LNP1: variants seen among roughly 807,000 people sequenced by gnomAD.
LNP1 encodes the protein leukemia NUP98 fusion partner 1.
Under a neutral mutation model 14.5 loss-of-function variants are expected in LNP1, and 12 were observed. The ratio of observed to expected loss-of-function variants is 0.83; its 90% CI spans 0.53 to 1.34. The LOEUF (loss-of-function observed/expected upper bound fraction) is 1.34. Ranked by LOEUF, LNP1 falls within the 40% of genes most tolerant of loss-of-function variation. LNP1 has a pLI of 0.00. For missense variants in LNP1, 198 were observed against 210.9 expected (o/e 0.94, Z 0.38); for synonymous variants, 75 against 71.4 (o/e 1.05, Z -0.26).
chr3:100,429,769 G>C lies in LNP1; in HGVS notation c.40G>C (p.Ala14Pro), dbSNP rs1188581282. The change falls in exon 2 of 4, where the codon GCC becomes CCC. Residue 14 changes from alanine to proline, a missense_variant. Physicochemically the swap from Ala to Pro is conservative, Grantham distance 27. Transcript: ENST00000383693. ...TGATGATGATGATGATGTGTCTTTT[G>C]CCAAATGGATGAGCAGCTTCTGGGG... ...KDDDDDDVSF[A>P]KWMSSFWGHS... is the part of the protein sequence containing the mutation. 1 of 1,613,910 alleles carries C rather than the reference G, an allele frequency of 6.2e-7. No individual in the cohort carries two copies. The highest frequency in any genetic ancestry group is 8.5e-7 in the Non-Finnish European group (1 of 1,179,928).
intron 3 of LNP1, among the ~76,000 whole-genome samples, chr3:100,452,779 A>G (rs892071962): frequency 2.0e-5 from 3 of 152,216 alleles, no homozygotes; most frequent in Non-Finnish European, 4.4e-5. Context: ...AAAGGAAGAG[A>G]CAGACATGAA....
At chr3:100,422,635 A>G (rs1707155088) in intron 1 of LNP1, among the ~76,000 whole-genome samples, 1 of 152,076 alleles carries the variant, frequency 6.6e-6, no homozygotes, top group African/African-American at 2.4e-5. Context: ...GTAAGAGATG[A>G]TTTATTGGCT....
At chr3:100,412,358 C>T (rs1707039141) in intron 1 of LNP1, among the ~76,000 whole-genome samples, 1 of 152,198 alleles carries the variant, frequency 6.6e-6, no homozygotes, top group African/African-American at 2.4e-5. Context: ...TTAGGCACCA[C>T]CTCCCAACTG....
chr3:100,454,989 G>C (rs1707496733), intron 3 of LNP1, among the ~76,000 whole-genome samples: 1 of 152,088 alleles, frequency 6.6e-6, no homozygotes, highest in African/African-American at 2.4e-5. Flanking sequence ...AGATACGGTG[G>C]CCACATTTAT....
intron 1 of LNP1, among the ~76,000 whole-genome samples, chr3:100,417,247 A>G (rs1397588951): frequency 6.6e-6 from 1 of 152,048 alleles, no homozygotes; most frequent in Non-Finnish European, 1.5e-5. Context: ...AGGTTCCCTC[A>G]AGGAATCTTT....
At chr3:100,455,734 G>A in intron 3 of LNP1, 43 bp from the exon 4 acceptor site, 1 of 1,599,422 alleles carries the variant, frequency 6.3e-7, no homozygotes, top group Non-Finnish European at 8.6e-7. Context: ...AGTGTTGTCA[G>A]CTGCTTGTGC....
chr3:100,455,748 T>G, intron 3 of LNP1, 29 bp from the exon 4 acceptor site: 1 of 1,611,708 alleles, frequency 6.2e-7, no homozygotes, highest in Non-Finnish European at 8.5e-7. Context: ...CTTGTGCATT[T>G]TTACCTGTTT....
At chr3:100,452,556 A>G (rs1425258897) in intron 3 of LNP1, among the ~76,000 whole-genome samples, 9 of 151,732 alleles carry the variant, frequency 5.9e-5, no homozygotes. Context: ...AATAATTGTA[A>G]CTCATTCCCC....
intron 2 of LNP1, among the ~76,000 whole-genome samples, chr3:100,436,331 C>G (rs146268427): frequency 6.6e-6 from 1 of 152,254 alleles, no homozygotes; most frequent in East Asian, 1.9e-4. Flanking sequence ...CAACGAGGTG[C>G]ATCTGACCTC....
rs115548111 is a variant in LNP1 at position 100,408,675 on chromosome 3, A to C, written c.-34+6236A>C. Among the ~76,000 whole-genome samples the C allele has an allele frequency of 3.4e-3, 512 of 152,258 alleles. 4 individuals carry two copies. Among genetic ancestry groups the C allele is most frequent in the Middle Eastern group, 0.014 (4 of 294 alleles). ...AGTCTGCAGTTACTGGCCTGAAGTCATGGGTCATGGGGGGGTCTACCCAGT... is the reference window on the plus strand; with the variant it reads ...AGTCTGCAGTTACTGGCCTGAAGTCCTGGGTCATGGGGGGGTCTACCCAGT... On this transcript the variant is annotated intron_variant, in intron 1 of 3. Coordinates refer to ENST00000383693, the MANE Select transcript of LNP1 (RefSeq NM_001085451.2).
At chr3:100,410,030 G>C (rs1431883799) in intron 1 of LNP1, among the ~76,000 whole-genome samples, 5 of 151,104 alleles carry the variant, frequency 3.3e-5, no homozygotes, top group Non-Finnish European at 5.9e-5. Flanking sequence ...AATTAGTCTT[G>C]TTTCTCTGAA....
At chr3:100,403,216 C>A (rs565241514) in intron 1 of LNP1, among the ~76,000 whole-genome samples, 1 of 152,088 alleles carries the variant, frequency 6.6e-6, no homozygotes, top group Non-Finnish European at 1.5e-5. Flanking sequence ...ATTTAAAGTT[C>A]TTTTGATGTT....
rs1483926434 is a variant in LNP1, at chr3:100,401,777, G to A, written c.-696G>A. On this transcript the variant is annotated 5_prime_UTR_variant, in exon 1 of 4. Coordinates refer to ENST00000383693, the MANE Select transcript of LNP1 (RefSeq NM_001085451.2). ...GATAGCGATGGCAGAAGACTAGGTG[G>A]AAATGGCACATCTAGGTTGGCTGCA... 6.6e-6 allele frequency: 1 copy of A among 152,254 alleles called. No homozygotes were observed. The highest frequency in any genetic ancestry group is 1.9e-4 in the East Asian group (1 of 5,206). The allele number at this position is 152,254 out of a possible 1,614,324, so 9.4% of individuals were successfully genotyped here. A position where few individuals can be genotyped will look rare whatever the true frequency, so the allele number is the denominator to read the frequency against.
rs1425494891 is a variant in LNP1 at position 100,451,778 on chromosome 3, G to A, written c.216G>A (p.Glu72=). 11 of 1,613,920 alleles carry A rather than the reference G, an allele frequency of 6.8e-6. No individual in the cohort carries two copies. The highest frequency in any genetic ancestry group is 1.7e-5 in the Admixed American group (1 of 60,006). ...SDCHPRRHSH[E]DQEFRCRSHV... is the part of the protein sequence containing the mutation. ...GCCATCCTAGAAGGCATTCTCATGAGGACCAAGAATTTCGATGCCGTAGCC... is the reference window on the plus strand; with the variant it reads ...GCCATCCTAGAAGGCATTCTCATGAAGACCAAGAATTTCGATGCCGTAGCC... The change falls in exon 3 of 4, where the codon GAG becomes GAA. Residue 72 remains glutamate (E), a synonymous_variant. Coordinates refer to ENST00000383693, the MANE Select transcript of LNP1 (RefSeq NM_001085451.2).
intron 1 of LNP1, 23 bp from the exon 2 acceptor site, chr3:100,429,674 A>G (rs1049464761): frequency 8.0e-6 from 12 of 1,505,608 alleles, no homozygotes; most frequent in South Asian, 1.2e-5. Flanking sequence ...CTGTTGGGTG[A>G]TATTTCCCTC....
chr3:100,436,036 C>G (rs748026237), intron 2 of LNP1, among the ~76,000 whole-genome samples: 1 of 152,172 alleles, frequency 6.6e-6, no homozygotes, highest in Non-Finnish European at 1.5e-5. Flanking sequence ...AGGGAATCAG[C>G]TAGTCAGCAT....
At chr3:100,417,021 G>A (rs1046008132) in intron 1 of LNP1, among the ~76,000 whole-genome samples, 1 of 151,970 alleles carries the variant, frequency 6.6e-6, no homozygotes, top group African/African-American at 2.4e-5. Context: ...TTCTTGCCTT[G>A]TTTATCTTTT....
intron 2 of LNP1, among the ~76,000 whole-genome samples, chr3:100,440,503 C>T (rs572682821): frequency 1.3e-5 from 2 of 152,288 alleles, no homozygotes; most frequent in East Asian, 1.9e-4. Context: ...TCTCCCTGTA[C>T]TCCTGCCAGT....
At chr3:100,441,040 G>T (rs1158419517) in intron 2 of LNP1, among the ~76,000 whole-genome samples, 1 of 152,182 alleles carries the variant, frequency 6.6e-6, no homozygotes, top group African/African-American at 2.4e-5. Flanking sequence ...TCGAGAAAGA[G>T]ATCAAAGACC....
Sources: gnomAD v4.1 joint callset for allele counts (sites outside exome capture counted in the v4.1 genomes callset) on GRCh38, gnomAD v4.1.1 for gene constraint, MANE v1.5 for transcripts, NCBI Gene and HGNC (gene_info 2026-07-23, HGNC 2026-07-21) for gene names.